Variants in ADCY2 observed in about 807,000 individuals in gnomAD.
ADCY2 encodes adenylate cyclase 2.
A neutral mutation model predicts 125.2 loss-of-function variants in ADCY2; 31 were observed. The observed-to-expected ratio is 0.25, with a 90% confidence interval of 0.19 to 0.33. The LOEUF (loss-of-function observed/expected upper bound fraction) is 0.33, where lower values mean the gene tolerates loss of function less well. ADCY2 is among the 10% of genes least tolerant of loss of function. The pLI is 1.00. For missense variants in ADCY2, 904 were observed against 1,418.2 expected, an observed-to-expected ratio of 0.64 and a Z score of 5.82; for synonymous variants, 512 against 548.4, an observed-to-expected ratio of 0.93 and a Z score of 0.93.
At chr5:7,680,736 A>C (rs1740301724) in intron 4 of ADCY2, among the ~76,000 whole-genome samples, 1 of 152,236 alleles carries the variant, frequency 6.6e-6, no homozygotes, top group Non-Finnish European at 1.5e-5. Flanking sequence ...GAAATGCATT[A>C]CATGATTGAT....
intron 6 of ADCY2, 34 bp from the exon 7 acceptor site, chr5:7,698,213 A>C (rs1487523208): frequency 1.9e-6 from 3 of 1,612,344 alleles, no homozygotes; most frequent in South Asian, 2.2e-5. Flanking sequence ...GCAAGTGCTT[A>C]ATGCAACTGA....
At chr5:7,409,792 GATT>G (rs1203990263) in intron 1 of ADCY2, among the ~76,000 whole-genome samples, 6 of 152,202 alleles carry the variant, frequency 3.9e-5, no homozygotes, top group Admixed American at 1.3e-4. Flanking sequence ...GCTCTTAGTA[GATT>G]AGTTTACTTT....
At chr5:7,614,882 T>C (rs1737698324) in intron 3 of ADCY2, among the ~76,000 whole-genome samples, 1 of 152,224 alleles carries the variant, frequency 6.6e-6, no homozygotes, top group Non-Finnish European at 1.5e-5. Flanking sequence ...TCCCTCCTTG[T>C]ATTAGTCTGT....
chr5:7,671,079 T>C (rs563582953), intron 4 of ADCY2, among the ~76,000 whole-genome samples: 2 of 152,302 alleles, frequency 1.3e-5, no homozygotes, highest in African/African-American at 2.4e-5. Context: ...AAGAGAGGAA[T>C]TTTGCAACTA....
chr5:7,549,367 G>A (rs1579562704), intron 3 of ADCY2, among the ~76,000 whole-genome samples: 1 of 152,204 alleles, frequency 6.6e-6, no homozygotes, highest in East Asian at 1.9e-4. Context: ...ATCCTGTGAT[G>A]TCCCTAAAGC....
intron 3 of ADCY2, among the ~76,000 whole-genome samples, chr5:7,609,460 T>C (rs73050116): frequency 0.038 from 5,730 of 152,346 alleles, 315 homozygotes; most frequent in African/African-American, 0.12. Flanking sequence ...AATGTATTTT[T>C]GTTCAATACA....
At chr5:7,685,685 T>G (rs1221141175) in intron 4 of ADCY2, among the ~76,000 whole-genome samples, 5 of 152,158 alleles carry the variant, frequency 3.3e-5, no homozygotes, top group South Asian at 2.1e-4. Context: ...AACAGGGTGA[T>G]GAAGGCTGAG....
chr5:7,498,856 CATA>C (rs1743441365), intron 2 of ADCY2, among the ~76,000 whole-genome samples: 1 of 152,062 alleles, frequency 6.6e-6, no homozygotes, highest in Admixed American at 6.6e-5. Context: ...ATGAAGCAAC[CATA>C]ATGATTACAT....
intron 4 of ADCY2, among the ~76,000 whole-genome samples, chr5:7,679,275 G>C (rs539720979): frequency 8.5e-4 from 129 of 152,338 alleles, no homozygotes; most frequent in African/African-American, 2.3e-3. Context: ...GGTCCCGGGG[G>C]AGCGTGCTCC....
intron 2 of ADCY2, among the ~76,000 whole-genome samples, chr5:7,419,912 G>A (rs28568628): frequency 0.011 from 1,710 of 152,198 alleles, 38 homozygotes; most frequent in African/African-American, 0.039. Context: ...TTATGAGCGG[G>A]GCACCATCCT....
At chr5:7,618,583 T>C (rs1737844143) in intron 3 of ADCY2, among the ~76,000 whole-genome samples, 1 of 152,196 alleles carries the variant, frequency 6.6e-6, no homozygotes, top group Non-Finnish European at 1.5e-5. Flanking sequence ...TAAATACCTG[T>C]CAGCTTTTAA....
chr5:7,731,572 C>T (rs539467787), intron 14 of ADCY2, among the ~76,000 whole-genome samples: 1 of 150,008 alleles, frequency 6.7e-6, no homozygotes, highest in Admixed American at 6.7e-5. Flanking sequence ...AGATTTTAAA[C>T]ATATTATATG....
rs1332540003 is a variant in ADCY2 at position 7,826,755 on chromosome 5, G to A, written c.3160G>A (p.Gly1054Arg). Reference protein sequence around the residue: ...EETSLVLQTLGYTCTCRGIIN... With the variant: ...EETSLVLQTLRYTCTCRGIIN... ...GACGAGCCTCGTCCTGCAGACCCTC[G>A]GATACACGTGCACCTGTCGAGGAAT... The change falls in exon 25 of 25, where the codon GGA (glycine) becomes AGA (arginine). Residue 1054 changes from glycine to arginine, a missense_variant. Around this residue, in one of 7 missense-constraint regions of ADCY2, gnomAD observed 181 missense variants for 381.6 expected, o/e 0.47. Transcript: ENST00000338316. The A allele has an allele frequency of 7.4e-6, 12 of 1,613,890 alleles. No homozygotes were observed. Among genetic ancestry groups the A allele is most frequent in the Admixed American group, 1.7e-5 (1 of 59,982 alleles).
intron 2 of ADCY2, among the ~76,000 whole-genome samples, chr5:7,448,702 G>T (rs766512428): frequency 6.6e-6 from 1 of 152,022 alleles, no homozygotes; most frequent in African/African-American, 2.4e-5. Flanking sequence ...TCATCATTCA[G>T]CTCCCACTTA....
chr5:7,715,903 A>C (rs1741578711), intron 11 of ADCY2, among the ~76,000 whole-genome samples: 1 of 152,204 alleles, frequency 6.6e-6, no homozygotes, highest in Non-Finnish European at 1.5e-5. Context: ...TTTATTCCAG[A>C]TTAGATGGTC....
intron 2 of ADCY2, among the ~76,000 whole-genome samples, chr5:7,494,852 T>G (rs986380131): frequency 1.3e-5 from 2 of 152,180 alleles, no homozygotes; most frequent in Non-Finnish European, 2.9e-5. Context: ...ACTTGTAGGT[T>G]TGACTAAACT....
At chr5:7,665,226 T>C (rs1333238883) in intron 4 of ADCY2, among the ~76,000 whole-genome samples, 2 of 152,136 alleles carry the variant, frequency 1.3e-5, no homozygotes, top group African/African-American at 4.8e-5. Context: ...ATCAACACCA[T>C]TGTCCTTTCC....
At chr5:7,601,726 C>A (rs1249661629) in intron 3 of ADCY2, among the ~76,000 whole-genome samples, 1 of 152,176 alleles carries the variant, frequency 6.6e-6, no homozygotes, top group Non-Finnish European at 1.5e-5. Flanking sequence ...CTGTTCCAAG[C>A]ACCCCATTCT....
At chr5:7,423,520 C>T (rs1459123454) in intron 2 of ADCY2, among the ~76,000 whole-genome samples, 1 of 152,062 alleles carries the variant, frequency 6.6e-6, no homozygotes, top group African/African-American at 2.4e-5. Flanking sequence ...GGGGAGATCC[C>T]CTGCACACAC....
Sources: gnomAD v4.1 joint callset for allele counts (sites outside exome capture counted in the v4.1 genomes callset) on GRCh38, gnomAD v4.1.1 for gene constraint, gnomAD v4.1.1 regional missense constraint, MANE v1.5 for transcripts, NCBI Gene and HGNC (gene_info 2026-07-23, HGNC 2026-07-21) for gene names.